The following PFKL variants were observed in gnomAD, a reference collection of about 807,000 sequenced individuals.
The protein encoded by PFKL is ATP-dependent 6-phosphofructokinase, liver type.
In PFKL, 74 loss-of-function variants were observed where a neutral mutation model predicts 92.1. That is an observed-to-expected ratio of 0.80 (90% CI 0.67 to 0.97). PFKL has a LOEUF of 0.97. Ranked by LOEUF, PFKL falls within the 50% of genes least tolerant of loss-of-function variation. The pLI is 0.00. For missense variants in PFKL, 1,028 were observed against 1,116.6 expected, an observed-to-expected ratio of 0.92 and a Z score of 1.13; for synonymous variants, 494 against 456.4, an observed-to-expected ratio of 1.08 and a Z score of -1.05.
chr21:44,324,435 G>A (rs956168165), intron 16 of PFKL, 56 bp from the exon 17 acceptor site: 48 of 1,582,748 alleles, frequency 3.0e-5, no homozygotes, highest in Admixed American at 6.8e-5. Flanking sequence ...CCATGCCGAC[G>A]GCCTACAGGG....
chr21:44,322,946 G>T lies in PFKL; in HGVS notation c.1410-16G>T. 1 of 1,588,364 alleles carries T rather than the reference G, an allele frequency of 6.3e-7. No individual in the cohort carries two copies. ...CCGGGTGCTGCGTGTTCATGCGGAT[G>T]TGTCTTTGACTGCAGGACCCTGCCC... On this transcript the variant is annotated splice_polypyrimidine_tract_variant and intron_variant, in intron 14 of 21. Transcript: ENST00000349048.
chr21:44,311,148 C>T, intron 3 of PFKL, 65 bp downstream of exon 3: 2 of 1,258,928 alleles, frequency 1.6e-6, no homozygotes, highest in Non-Finnish European at 1.1e-6. Context: ...AGAGACAGAC[C>T]TGCACACACA....
In PFKL at chr21:44,324,481, T is replaced by C; in HGVS notation, c.1651-10T>C. On this transcript the variant is annotated splice_polypyrimidine_tract_variant and intron_variant, in intron 16 of 21. Transcript: ENST00000349048. The stretch of plus-strand genomic sequence containing the variant: ...ACGTGGAGGACCCCCGACCCCCCCT[T>C]GTCCCCCAGAGCTGTGACCGCATCA... The C allele has an allele frequency of 6.2e-7, 1 of 1,612,738 alleles. No individual in the cohort carries two copies. Among genetic ancestry groups the C allele is most frequent in the Non-Finnish European group, 8.5e-7 (1 of 1,179,634 alleles).
chr21:44,325,367 C>A, intron 19 of PFKL, 103 bp downstream of exon 19: 1 of 749,628 alleles, frequency 1.3e-6, no homozygotes, highest in Non-Finnish European at 2.4e-6. Flanking sequence ...CACGGGCACT[C>A]CCGGCAGGCC....
At chr21:44,304,771 G>A (rs1478760274) in intron 1 of PFKL, among the ~76,000 whole-genome samples, 9 of 135,788 alleles carry the variant, frequency 6.6e-5, no homozygotes, top group Non-Finnish European at 1.3e-4. Flanking sequence ...CTGTCTTTCT[G>A]GGGGAGCTTG....
chr21:44,316,175 C>T, intron 7 of PFKL, 69 bp from the exon 8 acceptor site: 5 of 1,453,144 alleles, frequency 3.4e-6, no homozygotes, highest in Non-Finnish European at 4.8e-6. Context: ...GGGCTCCTGG[C>T]ACCCGGGGGC....
At chr21:44,325,714 G>A in intron 19 of PFKL, 1 of 556,964 alleles carries the variant, frequency 1.8e-6, no homozygotes, top group Non-Finnish European at 3.2e-6. Context: ...GGGCCCAGGA[G>A]TCACTTGACT....
chr21:44,326,302 T>C, intron 21 of PFKL, 38 bp downstream of exon 21: 1 of 1,482,596 alleles, frequency 6.7e-7, no homozygotes, highest in Non-Finnish European at 9.3e-7. Flanking sequence ...CGGGTGGGGC[T>C]GAGGGGTGGC....
At chr21:44,318,150 G>A (rs932776645) in intron 9 of PFKL, among the ~76,000 whole-genome samples, 3 of 152,260 alleles carry the variant, frequency 2.0e-5, no homozygotes, top group Admixed American at 2.0e-4. Flanking sequence ...TGGGGCCCTG[G>A]GGACCTGGCT....
intron 5 of PFKL, among the ~76,000 whole-genome samples, chr21:44,313,384 C>T (rs931925639): frequency 1.3e-5 from 2 of 152,234 alleles, no homozygotes; most frequent in African/African-American, 2.4e-5. Context: ...TGGGGTGTGA[C>T]GCCCCCAAAG....
Position 44,325,408 on chromosome 21 carries a change from G to A in PFKL, c.1989+144G>A, listed in dbSNP as rs557807547. Reference sequence around the variant, plus strand: ...GCACGTGTGCCCTTCCCCAGTGAGGGGACCGAGGCCTGTATCTAGGTGAGG... The same window carrying A: ...GCACGTGTGCCCTTCCCCAGTGAGGAGACCGAGGCCTGTATCTAGGTGAGG... On this transcript the variant is annotated intron_variant, in intron 19 of 21. Transcript: ENST00000349048. 29 of 638,216 alleles carry A rather than the reference G, an allele frequency of 4.5e-5. No homozygotes were observed. The East Asian group carries it at 7.9e-4, about 17-fold the overall frequency. 39.5% of individuals were successfully genotyped at this position (638,216 alleles called of 1,614,324 possible). A position where few individuals can be genotyped will look rare whatever the true frequency, so the allele number is the denominator to read the frequency against.
chr21:44,310,890 C>T (rs2047022271), intron 2 of PFKL, 116 bp from the exon 3 acceptor site: 1 of 728,224 alleles, frequency 1.4e-6, no homozygotes, highest in East Asian at 2.6e-5. Flanking sequence ...TGGGGCCTCA[C>T]AGTCAGCACC....
At chr21:44,316,612 C>A in intron 9 of PFKL, 88 bp downstream of exon 9, 1 of 963,664 alleles carries the variant, frequency 1.0e-6, no homozygotes, top group Non-Finnish European at 1.6e-6. Context: ...GCGAGCATGG[C>A]ACGTGCACTG....
intron 1 of PFKL, among the ~76,000 whole-genome samples, chr21:44,300,466 G>T (rs1038890863): frequency 5.7e-4 from 86 of 152,180 alleles, no homozygotes; most frequent in Non-Finnish European, 1.1e-3. Context: ...CTGGGCCGCG[G>T]GGCAGGACCT....
At chr21:44,321,626 C>A in intron 12 of PFKL, 103 bp from the exon 13 acceptor site, 1 of 1,219,838 alleles carries the variant, frequency 8.2e-7, no homozygotes, top group Non-Finnish European at 1.1e-6. Flanking sequence ...GCTGGCAGGG[C>A]CTGGCCCCTT....
Position 44,325,052 on chromosome 21 carries a change from G to T in PFKL, c.1878-101G>T, listed in dbSNP as rs1280953967. The stretch of plus-strand genomic sequence containing the variant: ...GGGTGGGCCAGGGCGGCTTTCCTGG[G>T]AGCTGCCACTCCCTCTCCCAGGCCT... On this transcript the variant is annotated intron_variant, in intron 18 of 21. Coordinates refer to ENST00000349048, the MANE Select transcript of PFKL (RefSeq NM_002626.6). The T allele has an allele frequency of 2.5e-6, 3 of 1,182,748 alleles. No individual in the cohort carries two copies. The African/African-American group carries it at 4.5e-5, about 18-fold the overall frequency. The allele number at this position is 1,182,748 out of a possible 1,614,324, so 73.3% of individuals were successfully genotyped here.
At chr21:44,300,582 A>G (rs1568936715) in intron 1 of PFKL, among the ~76,000 whole-genome samples, 1 of 151,886 alleles carries the variant, frequency 6.6e-6, no homozygotes, top group African/African-American at 2.4e-5. Context: ...GTGCCTCCCG[A>G]GGGCCGGCGC....
rs1270965200 is a variant in PFKL, at chr21:44,327,002, A to G, written c.*140A>G. ...CCTGCTCAGCCCATCCCCTGCCTCT[A>G]TCCCTGGCCACCTGCCAGGCCTCCC... On this transcript the variant is annotated 3_prime_UTR_variant, in exon 22 of 22. Coordinates refer to ENST00000349048, the MANE Select transcript of PFKL (RefSeq NM_002626.6). 2.7e-6 allele frequency: 2 copies of G among 752,812 alleles called. No individual in the cohort carries two copies. The highest frequency in any genetic ancestry group is 4.3e-6 in the Non-Finnish European group (2 of 466,466). 46.6% of individuals were successfully genotyped at this position (752,812 alleles called of 1,614,324 possible).
At chr21:44,311,331 C>T (rs959865725) in intron 3 of PFKL, among the ~76,000 whole-genome samples, 1 of 146,934 alleles carries the variant, frequency 6.8e-6, no homozygotes, top group East Asian at 1.9e-4. Flanking sequence ...CACACACAGA[C>T]ATGCACACAT....
Sources: allele counts gnomAD v4.1 joint callset (sites outside exome capture counted in the v4.1 genomes callset), GRCh38; gene constraint gnomAD v4.1.1; transcripts MANE v1.5; gene names NCBI Gene and HGNC (gene_info 2026-07-23, HGNC 2026-07-21).